SYNE2: variants seen among roughly 807,000 people sequenced by gnomAD.
SYNE2 encodes the protein spectrin repeat containing nuclear envelope protein 2, also known as nesprin-2.
In SYNE2, 431 loss-of-function variants were observed where a neutral mutation model predicts 856.3. The ratio of observed to expected loss-of-function variants is 0.50; its 90% CI spans 0.47 to 0.55. The LOEUF (loss-of-function observed/expected upper bound fraction) is 0.55. SYNE2 is among the 20% of genes least tolerant of loss of function. The pLI, the probability that SYNE2 is intolerant of heterozygous loss-of-function variation, is 0.00. For missense variants in SYNE2, 8,129 were observed against 8,023.2 expected, an observed-to-expected ratio of 1.01 and a Z score of -0.50; for synonymous variants, 2,923 against 2,872.3, an observed-to-expected ratio of 1.02 and a Z score of -0.56.
intron 1 of SYNE2, among the ~76,000 whole-genome samples, chr14:63,903,738 TA>T (rs1273521714): frequency 6.6e-6 from 1 of 152,174 alleles, no homozygotes; most frequent in East Asian, 1.9e-4. Flanking sequence ...ATTTTTAATG[TA>T]AATACAACAA....
chr14:64,129,239 G>A lies in SYNE2; in HGVS notation c.14020-543G>A, dbSNP rs547726985. 5.3e-5 allele frequency among the ~76,000 whole-genome samples: 8 copies of A among 152,276 alleles called. No homozygotes were observed. In the South Asian group the frequency reaches 6.2e-4, roughly 12 times the overall value. Reference sequence around the variant, plus strand: ...TGATAATTGCTTGAGCTTGGGGGGCGGAGGTTGCAGTGAACTGAGATTGTG... The same window carrying A: ...TGATAATTGCTTGAGCTTGGGGGGCAGAGGTTGCAGTGAACTGAGATTGTG... On this transcript the variant is annotated intron_variant, in intron 74 of 115. Coordinates refer to ENST00000555002, the MANE Select transcript of SYNE2 (RefSeq NM_182914.3).
intron 7 of SYNE2, among the ~76,000 whole-genome samples, chr14:63,951,823 A>T (rs1750758747): frequency 6.6e-6 from 1 of 152,240 alleles, no homozygotes. Flanking sequence ...ATGCATAAAT[A>T]ACCTTAAAGT....
rs1342516222 is a variant in SYNE2 at position 64,170,247 on chromosome 14, T to A, written c.17020T>A (p.Phe5674Ile). 1 of 1,613,860 alleles carries A rather than the reference T, an allele frequency of 6.2e-7. No individual in the cohort carries two copies. The highest frequency in any genetic ancestry group is 8.5e-7 in the Non-Finnish European group (1 of 1,180,044). The change falls in exon 94 of 116, where the codon TTC becomes ATC. Residue 5674 changes from phenylalanine to isoleucine, a missense_variant. Around this residue, in one of 3 missense-constraint regions of SYNE2, gnomAD observed 5,410 missense variants for 5,284.8 expected, o/e 1.02. Coordinates refer to ENST00000555002, the MANE Select transcript of SYNE2 (RefSeq NM_182914.3). ...IENRPEFITE[F>I]SKLTDRWQNA... ...CCCCAGACCAGAATTTATTACAGAA[T>A]TCTCAAAGCTGACGGATCGGTGGCA...
chr14:64,074,239 G>A (rs971300113), intron 53 of SYNE2, 103 bp downstream of exon 53: 12 of 1,188,094 alleles, frequency 1.0e-5, no homozygotes, highest in Admixed American at 6.9e-5. Context: ...TTGGGGGAGC[G>A]GTCTGGGGAG....
chr14:64,163,230 C>A (rs1011528471), intron 88 of SYNE2, among the ~76,000 whole-genome samples, 172 bp from the exon 89 acceptor site: 2 of 152,182 alleles, frequency 1.3e-5, no homozygotes, highest in African/African-American at 4.8e-5. Flanking sequence ...CAGTGATATA[C>A]ATCATTTCAA....
intron 65 of SYNE2, 136 bp downstream of exon 65, chr14:64,107,743 TGCTG>T: frequency 2.5e-6 from 2 of 792,956 alleles, no homozygotes; most frequent in Non-Finnish European, 4.5e-6. Context: ...TGAAGATATG[TGCTG>T]TCAAGCTGTA....
rs1488827425 is a variant in SYNE2, at chr14:63,982,653, G to C, written c.1860G>C (p.Gln620His). 1.9e-6 allele frequency: 3 copies of C among 1,614,064 alleles called. No homozygotes were observed. Among genetic ancestry groups the C allele is most frequent in the Non-Finnish European group, 2.5e-6 (3 of 1,180,000 alleles). ...AGGTACCCTTTGAGACACTAGCCCA[G>C]TGGAATCTAGAACACGCTACTTTAA... ...IKEVPFETLAQWNLEHATLNE... is the reference protein window; with the variant it reads ...IKEVPFETLAHWNLEHATLNE... Residue 620 changes from glutamine to histidine, a missense_variant, in exon 17 of 116, where the codon CAG becomes CAC. By Grantham distance (24) the Gln-to-His change is conservative. Transcript: ENST00000555002.
intron 45 of SYNE2, among the ~76,000 whole-genome samples, chr14:64,038,159 A>G (rs1412752740): frequency 6.7e-6 from 1 of 149,632 alleles, no homozygotes; most frequent in Non-Finnish European, 1.5e-5. Flanking sequence ...CTCACATCCC[A>G]GACGGGGCGG....
chr14:63,797,462 T>C (rs191486273), intron 1 of SYNE2, among the ~76,000 whole-genome samples: 15 of 152,272 alleles, frequency 9.9e-5, no homozygotes, highest in Admixed American at 9.2e-4. Flanking sequence ...TGACAAGTTA[T>C]TCAACTTGTT....
At chr14:64,129,639 AGAGCAGGAGGTGAGG>A (rs567645067) in intron 74 of SYNE2, 128 bp from the exon 75 acceptor site, 1 of 1,159,186 alleles carries the variant, frequency 8.6e-7, no homozygotes, top group Admixed American at 2.2e-5. Flanking sequence ...ATTGTTAAGG[AGAGCAGGAGGTGAGG>A]GAGCGGGAGC....
At chr14:63,807,819 TTATATATATATATATATATATA>T (rs71120288) in intron 1 of SYNE2, among the ~76,000 whole-genome samples, 777 of 25,482 alleles carry the variant, frequency 0.03, 83 homozygotes, top group South Asian at 0.075. Flanking sequence ...TACTCCAGGC[TTATATATATATATATATATATA>T]TATATATATA....
chr14:64,162,058 C>T lies in SYNE2; in HGVS notation c.16095-14C>T, dbSNP rs748585321. ...GAGAGAATGAGGGTTATGTTATTTG[C>T]GTTGCACTGACAGGTGGACTCAGGT... On this transcript the variant is annotated splice_polypyrimidine_tract_variant and intron_variant, in intron 87 of 115. Coordinates refer to ENST00000555002, the MANE Select transcript of SYNE2 (RefSeq NM_182914.3). The T allele has an allele frequency of 6.8e-6, 11 of 1,613,938 alleles. No individual in the cohort carries two copies. The highest frequency in any genetic ancestry group is 6.7e-5 in the Admixed American group (4 of 60,014).
intron 100 of SYNE2, among the ~76,000 whole-genome samples, chr14:64,205,374 A>G (rs1422550131): frequency 2.6e-5 from 4 of 152,240 alleles, no homozygotes; most frequent in African/African-American, 9.6e-5. Flanking sequence ...AATGTGTCAC[A>G]CAAAAGAATT....
chr14:63,971,120 G>GTTTT (rs61322567), intron 11 of SYNE2, among the ~76,000 whole-genome samples: 11 of 140,754 alleles, frequency 7.8e-5, no homozygotes, highest in East Asian at 2.0e-4. Context: ...AGGTTTTTTG[G>GTTTT]TTTTTTTTTT....
intron 61 of SYNE2, chr14:64,094,914 G>A: frequency 6.0e-6 from 1 of 167,632 alleles, no homozygotes. Flanking sequence ...AGGTCTCACT[G>A]TGTTACCCAG....
chr14:64,069,890 A>G (rs550929514), intron 51 of SYNE2, among the ~76,000 whole-genome samples: 58 of 152,320 alleles, frequency 3.8e-4, no homozygotes, highest in African/African-American at 1.3e-3. Flanking sequence ...TGCAAGATCC[A>G]TGAATGAGTT....
intron 2 of SYNE2, among the ~76,000 whole-genome samples, chr14:63,939,347 CTT>C (rs1056199146): frequency 5.6e-4 from 64 of 115,168 alleles, no homozygotes; most frequent in African/African-American, 1.4e-3. Context: ...TTTTTTTTTT[CTT>C]TTTTTTTTTT....
At chr14:63,879,938 T>C (rs1343626138) in intron 1 of SYNE2, among the ~76,000 whole-genome samples, 1 of 152,252 alleles carries the variant, frequency 6.6e-6, no homozygotes, top group African/African-American at 2.4e-5. Context: ...AGTCTTTTCA[T>C]TAACCACAAG....
intron 32 of SYNE2, 65 bp downstream of exon 32, chr14:64,010,181 G>C (rs2096832649): frequency 1.3e-6 from 2 of 1,482,402 alleles, no homozygotes; most frequent in South Asian, 1.2e-5. Context: ...GTAGTAAAGA[G>C]ATATTATAGA....
Sources: gnomAD v4.1 joint callset for allele counts (sites outside exome capture counted in the v4.1 genomes callset) on GRCh38, gnomAD v4.1.1 for gene constraint, gnomAD v4.1.1 regional missense constraint, MANE v1.5 for transcripts, NCBI Gene and HGNC (gene_info 2026-07-23, HGNC 2026-07-21) for gene names.